The following CES5A variants were observed in gnomAD, a reference collection of about 807,000 sequenced individuals.
The protein encoded by CES5A is carboxylesterase 5.
In CES5A, 67 loss-of-function variants were observed where a neutral mutation model predicts 62.9. The observed-to-expected ratio is 1.07, with a 90% confidence interval of 0.88 to 1.31. The LOEUF (loss-of-function observed/expected upper bound fraction) is 1.31, where lower values mean the gene tolerates loss of function less well. Ranked by LOEUF, CES5A falls within the 50% of genes most tolerant of loss-of-function variation. The pLI, the probability that CES5A is intolerant of heterozygous loss-of-function variation, is 0.00. For synonymous variants in CES5A, 296 were observed against 280.8 expected (o/e 1.05, Z -0.54); for missense variants, 748 against 708.5 (o/e 1.06, Z -0.63).
chr16:55,859,377 C>A (rs569329666), intron 8 of CES5A, among the ~76,000 whole-genome samples, 170 bp downstream of exon 8: 2 of 152,230 alleles, frequency 1.3e-5, no homozygotes, highest in Non-Finnish European at 2.9e-5. Context: ...GTGACTGTCC[C>A]GGTCCTCACT....
chr16:55,877,016 A>G (rs1022457329), upstream of CES5A, among the ~76,000 whole-genome samples: 6 of 152,178 alleles, frequency 3.9e-5, no homozygotes, highest in Non-Finnish European at 7.3e-5. Context: ...GGCTTTGATC[A>G]AGATGAGAGG....
intron 1 of CES5A, among the ~76,000 whole-genome samples, chr16:55,923,969 G>A (rs1200550322): frequency 1.3e-5 from 2 of 151,776 alleles, no homozygotes; most frequent in East Asian, 3.9e-4. Context: ...ATACTGAATG[G>A]GAAACAATTA....
intron 1 of CES5A, among the ~76,000 whole-genome samples, chr16:55,882,058 A>G (rs1215203372): frequency 6.6e-6 from 1 of 152,162 alleles, no homozygotes; most frequent in Non-Finnish European, 1.5e-5. Flanking sequence ...GAAAGTCAAG[A>G]GGTGATGATT....
intron 1 of CES5A, among the ~76,000 whole-genome samples, chr16:55,906,487 C>G (rs527571685): frequency 2.6e-4 from 40 of 152,296 alleles, no homozygotes; most frequent in African/African-American, 8.9e-4. Context: ...TGCACCAGAT[C>G]TTGAAGGGAG....
intron 1 of CES5A, among the ~76,000 whole-genome samples, chr16:55,874,735 C>T (rs1391419337): frequency 6.6e-6 from 1 of 152,156 alleles, no homozygotes; most frequent in Non-Finnish European, 1.5e-5. Flanking sequence ...CCACACAGAA[C>T]GTGGAGCCTT....
At position 55,937,735 on chromosome 16, in the gene CES5A, C is replaced by T. The variant is rs538700576; in HGVS notation, c.160+12050G>A. On this transcript the variant is annotated intron_variant, in intron 2 of 13. Coordinates refer to the CES5A transcript ENST00000521992. ...TTGGGACACAGAAGGAGCCCACGCA[C>T]CTTCTTCATAATTCTTCTCTTTATG... Among the ~76,000 whole-genome samples the T allele has an allele frequency of 2.0e-5, 3 of 152,056 alleles. No individual in the cohort carries two copies. In the South Asian group the frequency reaches 6.2e-4, roughly 32 times the overall value.
At chr16:55,847,428 T>C (rs759796718) in intron 11 of CES5A, among the ~76,000 whole-genome samples, 2 of 152,064 alleles carry the variant, frequency 1.3e-5, no homozygotes, top group Admixed American at 1.3e-4. Flanking sequence ...CACACATTTT[T>C]ACAATTAATT....
chr16:55,897,243 A>G (rs899865656), intron 1 of CES5A, among the ~76,000 whole-genome samples: 1 of 152,090 alleles, frequency 6.6e-6, no homozygotes, highest in African/African-American at 2.4e-5. Context: ...CTGCTGTCCT[A>G]TGTAGGAAAC....
At chr16:55,882,426 G>T (rs982164785) in intron 1 of CES5A, among the ~76,000 whole-genome samples, 2 of 152,144 alleles carry the variant, frequency 1.3e-5, no homozygotes, top group African/African-American at 4.8e-5. Context: ...ACCACATCAT[G>T]ATCTTCCCAC....
At chr16:55,911,995 C>T (rs1367308095) in intron 1 of CES5A, among the ~76,000 whole-genome samples, 1 of 152,216 alleles carries the variant, frequency 6.6e-6, no homozygotes, top group East Asian at 1.9e-4. Flanking sequence ...AGAAAATCTA[C>T]CAAGCAAGGT....
chr16:55,931,288 A>T (rs2034309073), intron 2 of CES5A, among the ~76,000 whole-genome samples: 1 of 152,204 alleles, frequency 6.6e-6, no homozygotes, highest in Non-Finnish European at 1.5e-5. Flanking sequence ...TGGAGTTGGG[A>T]GCCATGGAGA....
chr16:55,919,160 G>C (rs1486479360), intron 1 of CES5A, among the ~76,000 whole-genome samples: 3 of 152,242 alleles, frequency 2.0e-5, no homozygotes, highest in Non-Finnish European at 4.4e-5. Context: ...TGGGCAATGA[G>C]TCCCTGAACA....
intron 10 of CES5A, 107 bp from the exon 11 acceptor site, chr16:55,849,880 A>G: frequency 1.6e-6 from 2 of 1,239,886 alleles, no homozygotes; most frequent in South Asian, 2.8e-5. Flanking sequence ...GGGGTGGGAC[A>G]GCTCAGAGAC....
chr16:55,862,781 C>T (rs3848301), intron 6 of CES5A, among the ~76,000 whole-genome samples: 152,096 of 152,338 alleles, frequency 1, 75,927 homozygotes, highest in Middle Eastern at 1. Flanking sequence ...ATCCGGAACA[C>T]TTATGGCTGC....
chr16:55,878,091 C>T (rs1360192371), upstream of CES5A, among the ~76,000 whole-genome samples: 1 of 152,148 alleles, frequency 6.6e-6, no homozygotes, highest in East Asian at 1.9e-4. Flanking sequence ...AGACACAGAC[C>T]TTTGATAGGC....
chr16:55,932,124 G>A (rs1261311332), intron 2 of CES5A, among the ~76,000 whole-genome samples: 1 of 152,146 alleles, frequency 6.6e-6, no homozygotes, highest in African/African-American at 2.4e-5. Context: ...AGCCAGTTTT[G>A]TTTTGACCAG....
chr16:55,896,791 G>A (rs1281843641), intron 1 of CES5A, among the ~76,000 whole-genome samples: 1 of 152,120 alleles, frequency 6.6e-6, no homozygotes, highest in Non-Finnish European at 1.5e-5. Context: ...TGACAACACT[G>A]CAAGGAGGGT....
intron 2 of CES5A, among the ~76,000 whole-genome samples, chr16:55,873,393 T>C (rs2033632284): frequency 6.6e-6 from 1 of 152,162 alleles, no homozygotes; most frequent in Admixed American, 6.5e-5. Context: ...AGTGTGGTTC[T>C]TCTCAATAAA....
At chr16:55,881,534 G>A (rs994118757) in intron 1 of CES5A, among the ~76,000 whole-genome samples, 27 of 152,208 alleles carry the variant, frequency 1.8e-4, no homozygotes, top group African/African-American at 6.5e-4. Flanking sequence ...TATGCTATGA[G>A]AGTGGACCCA....
Sources: gnomAD v4.1 joint callset for allele counts (sites outside exome capture counted in the v4.1 genomes callset) on GRCh38, gnomAD v4.1.1 for gene constraint, MANE v1.5 for transcripts, NCBI Gene and HGNC (gene_info 2026-07-23, HGNC 2026-07-21) for gene names.